Variants in SETDB1 observed in about 807,000 individuals in gnomAD.
The protein encoded by SETDB1 is histone-lysine N-methyltransferase SETDB1.
Under a neutral mutation model 137.4 loss-of-function variants are expected in SETDB1, and 31 were observed. That is an observed-to-expected ratio of 0.23 (90% CI 0.17 to 0.30). SETDB1 has a LOEUF of 0.30. Ranked by LOEUF, SETDB1 falls within the 10% of genes least tolerant of loss-of-function variation. The probability of loss-of-function intolerance (pLI) is 1.00; values close to 1 mark genes in which losing one functional copy is unlikely to be tolerated. For synonymous variants in SETDB1, 548 were observed against 579.9 expected (o/e 0.95, Z 0.79); for missense variants, 1,113 against 1,631.5 (o/e 0.68, Z 5.47).
chr1:150,946,463 G>GGT (rs1558019363), intron 9 of SETDB1, among the ~76,000 whole-genome samples: 1 of 150,132 alleles, frequency 6.7e-6, no homozygotes, highest in Non-Finnish European at 1.5e-5. Flanking sequence ...TTTTTTTTTG[G>GGT]GGGGGATGGA....
rs587716160 is a variant in SETDB1, at chr1:150,964,157, A to C, written c.3761+74A>C. ...AGTTCTAAGGGCCCCTCCTCCATTC[A>C]TGATCCAACTCCACCTACATATTCA... On this transcript the variant is annotated intron_variant, in intron 21 of 21. Transcript: ENST00000692827. 1.6e-4 allele frequency: 243 copies of C among 1,525,298 alleles called. 3 individuals are homozygous for C. In the South Asian group the frequency reaches 2.2e-3, roughly 14 times the overall value. 94.5% of individuals were successfully genotyped at this position (1,525,298 alleles called of 1,614,324 possible). A position where few individuals can be genotyped will look rare whatever the true frequency, so the allele number is the denominator to read the frequency against.
intron 14 of SETDB1, among the ~76,000 whole-genome samples, chr1:150,952,953 G>T (rs1288889923): frequency 2.6e-5 from 4 of 152,190 alleles, no homozygotes; most frequent in Non-Finnish European, 1.5e-5. Context: ...ATGTCAAGAA[G>T]ACACTGGGAT....
chr1:150,945,889 G>C (rs1310448676), intron 9 of SETDB1, among the ~76,000 whole-genome samples: 1 of 152,118 alleles, frequency 6.6e-6, no homozygotes, highest in African/African-American at 2.4e-5. Context: ...TTTTAGTAGA[G>C]ACGGGGTTTC....
At chr1:150,936,041 C>T (rs1160853792) in intron 3 of SETDB1, among the ~76,000 whole-genome samples, 2 of 152,180 alleles carry the variant, frequency 1.3e-5, no homozygotes, top group African/African-American at 4.8e-5. Context: ...GGCTGGAGTG[C>T]AATGGCGCAA....
intron 10 of SETDB1, among the ~76,000 whole-genome samples, chr1:150,948,732 T>A (rs1670406815): frequency 6.6e-6 from 1 of 151,880 alleles, no homozygotes; most frequent in Admixed American, 6.6e-5. Flanking sequence ...ATTGCTGCTT[T>A]TTTTTTTTGA....
At position 150,933,869 on chromosome 1, in the gene SETDB1, C is replaced by T. The variant is rs1427399186; in HGVS notation, c.412+3751C>T. On this transcript the variant is annotated intron_variant, in intron 3 of 21. Coordinates refer to ENST00000692827, the MANE Select transcript of SETDB1 (RefSeq NM_001366418.1). ...CAGGATCTCTGCTCACTGCAACCTC[C>T]GCCTCTTGGGTTCAAGCGATTCTCC... Among the ~76,000 whole-genome samples the T allele has an allele frequency of 2.1e-5, 3 of 143,580 alleles. No individual in the cohort carries two copies. The South Asian group carries it at 6.6e-4, about 32-fold the overall frequency. The allele number at this position is 143,580 out of a possible 152,430, so 94.2% of individuals were successfully genotyped here. A position where few individuals can be genotyped will look rare whatever the true frequency, so the allele number is the denominator to read the frequency against.
chr1:150,952,841 C>T (rs373814599), intron 14 of SETDB1, among the ~76,000 whole-genome samples: 4 of 152,008 alleles, frequency 2.6e-5, no homozygotes, highest in East Asian at 3.9e-4. Context: ...GAGCTAAGAT[C>T]GCACCATTGC....
intron 1 of SETDB1, 153 bp downstream of exon 1, chr1:150,926,670 C>T: frequency 2.0e-6 from 1 of 512,204 alleles, no homozygotes; most frequent in South Asian, 1.4e-5. Flanking sequence ...TAGGACGCAC[C>T]CCTAGAATGG....
intron 10 of SETDB1, among the ~76,000 whole-genome samples, chr1:150,947,303 T>A (rs1670359024): frequency 1.3e-5 from 2 of 152,320 alleles, no homozygotes; most frequent in African/African-American, 4.8e-5. Context: ...TTTTGTGTGT[T>A]ATCTATGGTT....
In SETDB1 at chr1:150,951,070, C is replaced by T. The variant is rs1670477908; in HGVS notation, c.2196C>T (p.Cys732=). The part of the protein sequence containing the change: ...TGPEFLVGCD[C]KDGCRDKSKC... ...CTGAATTTCTGGTTGGCTGTGACTG[C>T]AAGGATGGGTGTCGGGACAAGTGAG... Residue 732 remains cysteine (C), a synonymous_variant, in exon 13 of 22, where the codon TGC becomes TGT. Transcript: ENST00000692827. The T allele has an allele frequency of 6.2e-7, 1 of 1,610,072 alleles. No individual in the cohort carries two copies. Among genetic ancestry groups the T allele is most frequent in the Non-Finnish European group, 8.5e-7 (1 of 1,176,836 alleles).
At chr1:150,938,394 G>A (rs1383007364) in intron 3 of SETDB1, among the ~76,000 whole-genome samples, 1 of 152,202 alleles carries the variant, frequency 6.6e-6, no homozygotes, top group East Asian at 1.9e-4. Flanking sequence ...AATGAGAAAT[G>A]ACTGCTATAG....
At chr1:150,926,908 A>G in intron 1 of SETDB1, 1 of 510,306 alleles carries the variant, frequency 2.0e-6, no homozygotes, top group South Asian at 1.4e-5. Flanking sequence ...AGACTTTTTA[A>G]AAAGTAAAAT....
chr1:150,956,486 A>G (rs2102736185), intron 14 of SETDB1, among the ~76,000 whole-genome samples: 1 of 152,290 alleles, frequency 6.6e-6, no homozygotes, highest in South Asian at 2.1e-4. Flanking sequence ...ACCTGAGTTC[A>G]AATTCCAGCC....
chr1:150,957,961 C>A (rs1378947260), intron 14 of SETDB1, among the ~76,000 whole-genome samples: 2 of 152,056 alleles, frequency 1.3e-5, no homozygotes, highest in East Asian at 1.9e-4. Context: ...CTAAGGCAGG[C>A]GGATCACATG....
chr1:150,963,538 A>C lies in SETDB1; in HGVS notation c.3469A>C (p.Lys1157Gln). Residue 1157 changes from lysine (K) to glutamine (Q), a missense_variant, in exon 20 of 22, where the codon AAG becomes CAG. Lys to Gln is a moderately conservative substitution (Grantham distance 53). Coordinates refer to ENST00000692827, the MANE Select transcript of SETDB1 (RefSeq NM_001366418.1). ...EDKKNMTGPM[K>Q]RQVAVKSTRG... ...TTCTCCCTCCTGTCCAGGTCCAATGAAGCGTCAAGTGGCAGTAAAATCAAC... is the reference window on the plus strand; with the variant it reads ...TTCTCCCTCCTGTCCAGGTCCAATGCAGCGTCAAGTGGCAGTAAAATCAAC... 1 of 1,611,752 alleles carries C rather than the reference A, an allele frequency of 6.2e-7. No homozygotes were observed. Among genetic ancestry groups the C allele is most frequent in the Admixed American group, 1.7e-5 (1 of 59,928 alleles).
chr1:150,961,273 T>C (rs1670810863), intron 16 of SETDB1, 82 bp downstream of exon 16: 1 of 1,360,690 alleles, frequency 7.3e-7, no homozygotes, highest in Non-Finnish European at 1.0e-6. Context: ...AGTCTTTGCA[T>C]GTAGATTATT....
intron 10 of SETDB1, among the ~76,000 whole-genome samples, chr1:150,948,803 A>G (rs962859641): frequency 6.6e-6 from 1 of 151,454 alleles, no homozygotes; most frequent in African/African-American, 2.4e-5. Flanking sequence ...GCTCACTGCA[A>G]CCTCCACCTC....
Position 150,960,945 on chromosome 1 carries a change from C to T in SETDB1, c.2886C>T (p.Pro962=), listed in dbSNP as rs1571662236. The part of the protein sequence containing the change: ...DLGPPHIPVP[P]SIPVGGCNPP... ...GACCCCCACATATTCCTGTTCCTCC[C>T]TCAATCCCTGTAGGTGGCTGCAATC... is the stretch of plus-strand genomic sequence containing the variant. Residue 962 remains proline (P), a synonymous_variant, in exon 16 of 22, where the codon CCC becomes CCT. Coordinates refer to ENST00000692827, the MANE Select transcript of SETDB1 (RefSeq NM_001366418.1). 1.9e-6 allele frequency: 3 copies of T among 1,614,066 alleles called. No homozygotes were observed. Among genetic ancestry groups the T allele is most frequent in the Non-Finnish European group, 2.5e-6 (3 of 1,180,020 alleles).
chr1:150,935,700 C>G (rs775174125), intron 3 of SETDB1, among the ~76,000 whole-genome samples: 139 of 152,208 alleles, frequency 9.1e-4, no homozygotes, highest in Non-Finnish European at 1.3e-3. Context: ...TATTTGGTTC[C>G]TTATTTCATA....
Sources: gnomAD v4.1 joint callset for allele counts (sites outside exome capture counted in the v4.1 genomes callset) on GRCh38, gnomAD v4.1.1 for gene constraint, MANE v1.5 for transcripts, NCBI Gene and HGNC (gene_info 2026-07-23, HGNC 2026-07-21) for gene names.